KAZN: variants seen among roughly 807,000 people sequenced by gnomAD.
The protein encoded by KAZN is kazrin, periplakin interacting protein.
In KAZN, 40 loss-of-function variants were observed where a neutral mutation model predicts 87.4. The observed-to-expected ratio is 0.46, with a 90% CI of 0.36 to 0.60. The LOEUF is 0.60. Ranked by LOEUF, KAZN falls within the 20% of genes least tolerant of loss-of-function variation. The probability of loss-of-function intolerance (pLI) is 0.00; values close to 1 mark genes in which losing one functional copy is unlikely to be tolerated. For synonymous variants in KAZN, 466 were observed against 458.3 expected (o/e 1.02, Z -0.22); for missense variants, 898 against 1,073.9 (o/e 0.84, Z 2.29).
chr1:13,983,619 G>A (rs536037925), intron 1 of KAZN, among the ~76,000 whole-genome samples: 2 of 152,346 alleles, frequency 1.3e-5, no homozygotes, highest in East Asian at 3.9e-4. Flanking sequence ...CCACAGCGAA[G>A]CGATGGGCTG....
intron 2 of KAZN, among the ~76,000 whole-genome samples, chr1:14,340,697 G>A (rs1294880249): frequency 6.6e-6 from 1 of 152,116 alleles, no homozygotes; most frequent in East Asian, 1.9e-4. Context: ...CTGTTCTATG[G>A]AAGTCCCGTG....
chr1:13,942,866 G>GATCAA lies in KAZN; in HGVS notation c.91+49110_91+49111insATCAA, dbSNP rs1640992519. Among the ~76,000 whole-genome samples the GATCAA allele has an allele frequency of 4.6e-5, 7 of 152,286 alleles. No individual in the cohort carries two copies. The South Asian group carries it at 1.2e-3, about 27-fold the overall frequency. On this transcript the variant is annotated intron_variant, in intron 1 of 16. Coordinates refer to the KAZN transcript ENST00000636203. ...TAGCTAAAATTAATTCAATATATGGGTTTAACAACAGATTAGACACAACAG... is the reference window on the plus strand; with the variant it reads ...TAGCTAAAATTAATTCAATATATGGGATCAATTTAACAACAGATTAGACACAACAG...
Position 14,598,906 on chromosome 1 carries a change from A to G in KAZN, c.-92A>G, listed in dbSNP as rs1187776926. On this transcript the variant is annotated 5_prime_UTR_variant, in exon 1 of 15. Coordinates refer to ENST00000376030, the MANE Select transcript of KAZN (RefSeq NM_201628.3). This position sits in a 1 kb window ranked among gnomAD's most constrained non-coding sequence, Gnocchi z 4.2. ...GGCGAAGCCGGGCCGCGGAGGACAC[A>G]ACAGGTAGAGCCGGGGGTGCCCGGC... 1.3e-6 allele frequency: 2 copies of G among 1,537,634 alleles called. No individual in the cohort carries two copies. Among genetic ancestry groups the G allele is most frequent in the African/African-American group, 1.4e-5 (1 of 69,740 alleles).
At chr1:14,513,167 A>G (rs369797238) in intron 2 of KAZN, among the ~76,000 whole-genome samples, 6 of 152,144 alleles carry the variant, frequency 3.9e-5, no homozygotes, top group African/African-American at 1.2e-4. Flanking sequence ...ATCATGTCCA[A>G]TTTCTTCTGC....
intron 1 of KAZN, among the ~76,000 whole-genome samples, chr1:14,036,536 G>A (rs973150318): frequency 6.6e-6 from 1 of 151,974 alleles, no homozygotes; most frequent in Non-Finnish European, 1.5e-5. Flanking sequence ...ACATTGGCTT[G>A]TCCATGTAGC....
chr1:13,976,647 GATT>G (rs1638372947), intron 1 of KAZN, among the ~76,000 whole-genome samples: 1 of 152,000 alleles, frequency 6.6e-6, no homozygotes, highest in African/African-American at 2.4e-5. Context: ...TGGAAGTGCA[GATT>G]ATATCTACAT....
Position 14,521,154 on chromosome 1 carries a change from G to A in KAZN, c.250-77829G>A, listed in dbSNP as rs534078192. Among the ~76,000 whole-genome samples the A allele has an allele frequency of 5.9e-5, 9 of 152,304 alleles. 1 individual carries two copies. The highest frequency in any genetic ancestry group is 1.2e-4 in the African/African-American group (5 of 41,564). On this transcript the variant is annotated intron_variant, in intron 2 of 16. Transcript: ENST00000636203. Reference sequence around the variant, plus strand: ...ATGCTGAGGGAGGGGTGCAGCCAACGTAAGGAGAAATGCAAATAAAGATCA... The same window carrying A: ...ATGCTGAGGGAGGGGTGCAGCCAACATAAGGAGAAATGCAAATAAAGATCA...
intron 1 of KAZN, among the ~76,000 whole-genome samples, chr1:14,722,130 G>A (rs531942600): frequency 1.5e-3 from 227 of 150,484 alleles, no homozygotes; most frequent in African/African-American, 4.6e-3. Context: ...CAGCCTAAGC[G>A]TCAGAGTGAG....
intron 1 of KAZN, among the ~76,000 whole-genome samples, chr1:14,620,774 C>T (rs1211144072): frequency 6.6e-6 from 1 of 152,136 alleles, no homozygotes; most frequent in Non-Finnish European, 1.5e-5. Context: ...CTCATTCAGC[C>T]CCAGTTTTAG....
chr1:13,922,386 A>G (rs574151064), intron 1 of KAZN, among the ~76,000 whole-genome samples: 40 of 152,270 alleles, frequency 2.6e-4, no homozygotes, highest in African/African-American at 8.7e-4. Flanking sequence ...GTTTTGAATC[A>G]ATGAAGGGAC....
At chr1:14,419,277 A>G (rs1473719934) in intron 2 of KAZN, among the ~76,000 whole-genome samples, 3 of 152,202 alleles carry the variant, frequency 2.0e-5, no homozygotes, top group Non-Finnish European at 2.9e-5. Flanking sequence ...TGACTTTCCC[A>G]AAGTCATAAA....
intron 8 of KAZN, chr1:15,067,228 C>A: frequency 1.0e-6 from 1 of 985,524 alleles, no homozygotes; most frequent in Non-Finnish European, 1.2e-6. Flanking sequence ...GAGCCCTCCA[C>A]CCTCCCCATT....
chr1:14,537,836 C>A (rs145679015), intron 2 of KAZN, among the ~76,000 whole-genome samples: 1 of 152,192 alleles, frequency 6.6e-6, no homozygotes, highest in African/African-American at 2.4e-5. Flanking sequence ...AGATGAGTAT[C>A]TAGCCCCCTG....
chr1:14,593,420 G>GT (rs1676317529), intron 2 of KAZN, among the ~76,000 whole-genome samples: 1 of 152,162 alleles, frequency 6.6e-6, no homozygotes, highest in African/African-American at 2.4e-5. Context: ...TTGGGTACAT[G>GT]CGGGGGAGGG....
intron 2 of KAZN, among the ~76,000 whole-genome samples, chr1:15,010,451 C>T (rs925680092): frequency 4.2e-5 from 6 of 142,388 alleles, no homozygotes; most frequent in Non-Finnish European, 7.5e-5. Flanking sequence ...AGTGCAGTGG[C>T]GCAATCTCGG....
At position 15,052,151 on chromosome 1, in the gene KAZN, A is replaced by ATG. The variant is rs555170004; in HGVS notation, c.727-3927_727-3926dup. Among the ~76,000 whole-genome samples, 554 of 151,280 alleles carry ATG rather than the reference A, an allele frequency of 3.7e-3. 5 individuals carry two copies. Among genetic ancestry groups the ATG allele is most frequent in the Non-Finnish European group, 4.4e-3 (300 of 67,696 alleles). ...TGCATGTGTGTGTGTACGTGTGTGTATGTGTGTGTGTGTGGTGTTAGTCTC... is the reference window on the plus strand; with the variant it reads ...TGCATGTGTGTGTGTACGTGTGTGTATGTGTGTGTGTGTGTGGTGTTAGTCTC... On this transcript the variant is annotated intron_variant, in intron 4 of 14. Transcript: ENST00000376030.
chr1:13,995,364 C>T (rs1639466005), intron 1 of KAZN, among the ~76,000 whole-genome samples: 1 of 151,982 alleles, frequency 6.6e-6, no homozygotes, highest in South Asian at 2.1e-4. Context: ...TTAATGGATA[C>T]AGAGCAAGAT....
intron 3 of KAZN, among the ~76,000 whole-genome samples, chr1:15,043,575 C>T (rs540636378): frequency 3.3e-5 from 5 of 151,416 alleles, no homozygotes; most frequent in East Asian, 1.9e-4. Flanking sequence ...TTCGTGCCCA[C>T]GGCTTTCCCA....
At chr1:14,006,698 A>G (rs932659611) in intron 1 of KAZN, among the ~76,000 whole-genome samples, 4 of 152,056 alleles carry the variant, frequency 2.6e-5, no homozygotes, top group Admixed American at 1.3e-4. Flanking sequence ...TTATGTGTCT[A>G]TTTTTATGCC....
Sources: allele counts gnomAD v4.1 joint callset (sites outside exome capture counted in the v4.1 genomes callset), GRCh38; gene constraint gnomAD v4.1.1; non-coding constraint Gnocchi (gnomAD v3.1); transcripts MANE v1.5; gene names NCBI Gene and HGNC (gene_info 2026-07-23, HGNC 2026-07-21).